The following SFR1 variants were observed in gnomAD, a reference collection of about 807,000 sequenced individuals.
SFR1 encodes swi5-dependent recombination DNA repair protein 1 homolog.
Under a neutral mutation model 26.2 loss-of-function variants are expected in SFR1, and 24 were observed. The ratio of observed to expected loss-of-function variants is 0.92; its 90% confidence interval spans 0.66 to 1.29. The LOEUF (loss-of-function observed/expected upper bound fraction) is 1.29, where lower values mean the gene tolerates loss of function less well. Among genes scored for constraint, SFR1 ranks in the 50% most tolerant of loss-of-function variants. SFR1 has a pLI of 0.00. For missense variants in SFR1, 276 were observed against 270.2 expected, an observed-to-expected ratio of 1.02 and a Z score of -0.15; for synonymous variants, 77 against 96.6, an observed-to-expected ratio of 0.80 and a Z score of 1.19.
upstream of SFR1, among the ~76,000 whole-genome samples, chr10:104,121,177 C>A (rs937443649): frequency 1.3e-5 from 2 of 151,974 alleles, no homozygotes; most frequent in Non-Finnish European, 2.9e-5. Flanking sequence ...CGGTCTCAAA[C>A]GTGAATTTTG....
chr10:104,121,866 G>C (rs1314054503), upstream of SFR1, among the ~76,000 whole-genome samples: 1 of 152,182 alleles, frequency 6.6e-6, no homozygotes, highest in African/African-American at 2.4e-5. Flanking sequence ...CCGCCCCGAA[G>C]ACCTGCTGCG....
chr10:104,123,915 AC>A lies in SFR1; in HGVS notation c.338del (p.Thr113LysfsTer3), dbSNP rs2086996946. ...TATAGACAGTGAATTTGAAGAAAAT[AC>A]AAATTTGAAAAATACTTTGAAGAAT... Reference protein sequence around the residue: ...KHIDSEFEENTNLKNTLKNLN... With the variant: ...KHIDSEFEENXNLKNTLKNLN... On this transcript the variant is annotated frameshift_variant, in exon 3 of 4. Coordinates refer to ENST00000369727, the MANE Select transcript of SFR1 (RefSeq NM_001002759.2). LOFTEE classifies it high-confidence loss of function. 6.2e-7 allele frequency: 1 copy of A among 1,613,106 alleles called. No homozygotes were observed. Among genetic ancestry groups the A allele is most frequent in the Non-Finnish European group, 8.5e-7 (1 of 1,179,670 alleles).
chr10:104,122,866 T>C, intron 1 of SFR1, 99 bp from the exon 2 acceptor site: 1 of 1,563,434 alleles, frequency 6.4e-7, no homozygotes, highest in Non-Finnish European at 8.6e-7. Context: ...TCTGGCTTAC[T>C]TGTGGATGCT....
At chr10:104,122,146 C>T (rs369274399), upstream of SFR1, 3 of 1,546,780 alleles carry the variant, frequency 1.9e-6, no homozygotes, top group Non-Finnish European at 2.6e-6. Flanking sequence ...GATCGATTTA[C>T]GGCCGCAGGT....
Position 104,123,823 on chromosome 10 carries a change from C to A in SFR1, c.245C>A (p.Thr82Asn). The change falls in exon 3 of 4, where the codon ACC becomes AAC. Residue 82 changes from threonine to asparagine, a missense_variant. Thr to Asn is a moderately conservative substitution (Grantham distance 65, BLOSUM62 0). Coordinates refer to ENST00000369727, the MANE Select transcript of SFR1 (RefSeq NM_001002759.2). ...GTAGAGAGTGAAGAAAATGATCAGA[C>A]CTTTTCAGAGAAACCAGCATCTTCC... ...LKVESEENDQ[T>N]FSEKPASSTE... 3.7e-6 allele frequency: 6 copies of A among 1,612,976 alleles called. No individual in the cohort carries two copies. Among genetic ancestry groups the A allele is most frequent in the Admixed American group, 1.7e-5 (1 of 60,012 alleles).
chr10:104,125,156 C>T (rs2087011542), intron 3 of SFR1, among the ~76,000 whole-genome samples: 1 of 152,168 alleles, frequency 6.6e-6, no homozygotes, highest in East Asian at 1.9e-4. Context: ...GTTTTAGGTT[C>T]ATAGCAACAT....
At chr10:104,122,120 C>T (rs2086969105), upstream of SFR1, 1 of 1,542,592 alleles carries the variant, frequency 6.5e-7, no homozygotes, top group Admixed American at 2.0e-5. Context: ...ACCGCACGGC[C>T]CCGCCCCTGC....
rs145832130 is a variant in SFR1 at position 104,123,736 on chromosome 10, A to G, written c.158A>G (p.Glu53Gly). The change falls in exon 3 of 4, where the codon GAA (glutamate) becomes GGA (glycine). Residue 53 changes from glutamate (E) to glycine (G), a missense_variant. Physicochemically the swap from Glu to Gly is moderately conservative, Grantham distance 98. Coordinates refer to ENST00000369727, the MANE Select transcript of SFR1 (RefSeq NM_001002759.2). ...RKQPMSATLR[E>G]RLRKTRFSFN... ...TAGCCTATGAGTGCAACACTTAGAG[A>G]AAGATTAAGGAAAACAAGATTTTCA... 2 of 1,599,542 alleles carry G rather than the reference A, an allele frequency of 1.3e-6. No individual in the cohort carries two copies. Among genetic ancestry groups the G allele is most frequent in the East Asian group, 4.5e-5 (2 of 44,722 alleles).
At chr10:104,120,825 C>A (rs1463963224), upstream of SFR1, among the ~76,000 whole-genome samples, 2 of 152,264 alleles carry the variant, frequency 1.3e-5, no homozygotes, top group Non-Finnish European at 1.5e-5. Context: ...TTAGGTAGTC[C>A]TCAGGTTCTG....
intron 1 of SFR1, 174 bp downstream of exon 1, chr10:104,122,370 C>G: frequency 1.0e-6 from 1 of 985,406 alleles, no homozygotes; most frequent in Non-Finnish European, 1.2e-6. Flanking sequence ...GGACGACTCC[C>G]GCCCCTAGTT....
Position 104,122,569 on chromosome 10 carries a change from A to G in SFR1, c.13+373A>G, listed in dbSNP as rs191435018. On this transcript the variant is annotated intron_variant, in intron 1 of 3. Coordinates refer to ENST00000369727, the MANE Select transcript of SFR1 (RefSeq NM_001002759.2). Reference sequence around the variant, plus strand: ...GCTTGTAGAGTTCAGGATGGGTGACATTCAGGTCCTATTGTTTTTGAGTCA... The same window carrying G: ...GCTTGTAGAGTTCAGGATGGGTGACGTTCAGGTCCTATTGTTTTTGAGTCA... 3.1e-5 allele frequency: 31 copies of G among 985,402 alleles called. No individual in the cohort carries two copies. The African/African-American group carries it at 4.7e-4, about 15-fold the overall frequency. The allele number at this position is 985,402 out of a possible 1,614,324, so 61.0% of individuals were successfully genotyped here. A position where few individuals can be genotyped will look rare whatever the true frequency, so the allele number is the denominator to read the frequency against.
At chr10:104,124,646 C>A (rs2087006227) in intron 3 of SFR1, among the ~76,000 whole-genome samples, 1 of 151,252 alleles carries the variant, frequency 6.6e-6, no homozygotes, top group African/African-American at 2.4e-5. Flanking sequence ...ATCTTTATTA[C>A]CTGGAAAATT....
intron 1 of SFR1, chr10:104,122,748 C>CT (rs1432930839): frequency 1.4e-6 from 2 of 1,462,346 alleles, no homozygotes; most frequent in Admixed American, 5.0e-5. Context: ...CTATGAGATA[C>CT]TAGCTGGTTG....
At position 104,124,140 on chromosome 10, in the gene SFR1, G is replaced by A; in HGVS notation, c.546+16G>A. 6.7e-7 allele frequency: 1 copy of A among 1,483,542 alleles called. No individual in the cohort carries two copies. The highest frequency in any genetic ancestry group is 1.4e-5 in the South Asian group (1 of 69,832). 91.9% of individuals were successfully genotyped at this position (1,483,542 alleles called of 1,614,324 possible). On this transcript the variant is annotated intron_variant, in intron 3 of 3. Transcript: ENST00000369727. ...TAGATCAAAGGTGAGAAGAATTTCA[G>A]GACCATTGCATAATTTTTATTTTTA...
chr10:104,123,892 TA>T lies in SFR1; in HGVS notation c.315del (p.Ile105MetfsTer11). 1 of 1,613,028 alleles carries T rather than the reference TA, an allele frequency of 6.2e-7. No homozygotes were observed. Among genetic ancestry groups the T allele is most frequent in the Non-Finnish European group, 8.5e-7 (1 of 1,179,696 alleles). On this transcript the variant is annotated frameshift_variant, in exon 3 of 4. Coordinates refer to ENST00000369727, the MANE Select transcript of SFR1 (RefSeq NM_001002759.2). LOFTEE classifies it high-confidence loss of function. ...CLEFQESFKH[I>X]DSEFEENTNL... ...GAATTTCAAGAAAGTTTTAAACATA[TA>T]GACAGTGAATTTGAAGAAAATACAA...
intron 3 of SFR1, 86 bp from the exon 4 acceptor site, chr10:104,125,427 C>A: frequency 9.5e-7 from 1 of 1,050,188 alleles, no homozygotes; most frequent in Non-Finnish European, 1.4e-6. Context: ...AGCCTTTAAA[C>A]CTGCACATCC....
At chr10:104,123,214 T>A in intron 2 of SFR1, 128 bp downstream of exon 2, 1 of 790,586 alleles carries the variant, frequency 1.3e-6, no homozygotes, top group Non-Finnish European at 1.9e-6. Flanking sequence ...GACATTTTAT[T>A]AAATAATTTT....
At position 104,126,001 on chromosome 10, in the gene SFR1, G is replaced by C. The variant is rs2134711330; in HGVS notation, c.*297G>C. On this transcript the variant is annotated 3_prime_UTR_variant, in exon 4 of 4. Transcript: ENST00000369727. ...GGCTGGTCTCGAACTCCTGACCTCA[G>C]GTGATCCACCGCCTAGGCCTCCCAA... 1 of 197,024 alleles carries C rather than the reference G, an allele frequency of 5.1e-6. No individual in the cohort carries two copies. Among genetic ancestry groups the C allele is most frequent in the East Asian group, 1.4e-4 (1 of 7,062 alleles). The allele number at this position is 197,024 out of a possible 1,614,324, so 12.2% of individuals were successfully genotyped here. A position where few individuals can be genotyped will look rare whatever the true frequency, so the allele number is the denominator to read the frequency against.
At position 104,122,344 on chromosome 10, in the gene SFR1, A is replaced by C. The variant is rs2086973250; in HGVS notation, c.13+148A>C. On this transcript the variant is annotated intron_variant, in intron 1 of 3. Coordinates refer to ENST00000369727, the MANE Select transcript of SFR1 (RefSeq NM_001002759.2). ...TCCGGGGAACTAGTGGGCTTTCTGC[A>C]ACGGGGGGAAGGAGGGGACGACTCC... 2.9e-6 allele frequency: 4 copies of C among 1,392,928 alleles called. No individual in the cohort carries two copies. In the South Asian group the frequency reaches 4.7e-5, roughly 16 times the overall value. The allele number at this position is 1,392,928 out of a possible 1,614,324, so 86.3% of individuals were successfully genotyped here. A position where few individuals can be genotyped will look rare whatever the true frequency, so the allele number is the denominator to read the frequency against.
Sources: gnomAD v4.1 joint callset for allele counts (sites outside exome capture counted in the v4.1 genomes callset) on GRCh38, gnomAD v4.1.1 for gene constraint, MANE v1.5 for transcripts, NCBI Gene and HGNC (gene_info 2026-07-23, HGNC 2026-07-21) for gene names.